The following ZNF334 variants were observed in gnomAD, a reference collection of about 807,000 sequenced individuals.
The protein encoded by ZNF334 is zinc finger protein 334.
In ZNF334, 14 loss-of-function variants were observed where a neutral mutation model predicts 12.4. The ratio of observed to expected loss-of-function variants is 1.13; its 90% confidence interval spans 0.74 to 1.76. ZNF334 has a LOEUF of 1.76. Ranked by LOEUF, ZNF334 falls within the 40% of genes most tolerant of loss-of-function variation. The pLI, the probability that ZNF334 is intolerant of heterozygous loss-of-function variation, is 0.00. For missense variants in ZNF334, 797 were observed against 804.5 expected (o/e 0.99, Z 0.11); for synonymous variants, 273 against 269.6 (o/e 1.01, Z -0.12).
At position 46,502,341 on chromosome 20, in the gene ZNF334, T is replaced by G; in HGVS notation, c.998A>C (p.Lys333Thr). ...CNECGKTFFR[K>T]SALAEHFRSH... Reference sequence around the variant, plus strand: ...CCTGAAATGTTCAGCCAGGGCTGACTTCCGAAAAAAGGTCTTTCCACATTC... The same window carrying G: ...CCTGAAATGTTCAGCCAGGGCTGACGTCCGAAAAAAGGTCTTTCCACATTC... The change falls in exon 5 of 5, where the codon AAG becomes ACG. Residue 333 changes from lysine (K) to threonine (T), a missense_variant. Physicochemically the swap from Lys to Thr is moderately conservative, Grantham distance 78. Transcript: ENST00000692313. The G allele has an allele frequency of 6.2e-7, 1 of 1,613,794 alleles. No individual in the cohort carries two copies. Among genetic ancestry groups the G allele is most frequent in the Non-Finnish European group, 8.5e-7 (1 of 1,179,914 alleles).
chr20:46,479,481 A>T, the ZNF334 span, among the ~76,000 whole-genome samples: 1 of 152,220 alleles, frequency 6.6e-6, no homozygotes, highest in East Asian at 1.9e-4. Flanking sequence ...ACCAGCATTA[A>T]CACTAAAATA....
chr20:46,510,888 T>C (rs2061627007), intron 2 of ZNF334, among the ~76,000 whole-genome samples: 1 of 151,882 alleles, frequency 6.6e-6, no homozygotes, highest in Non-Finnish European at 1.5e-5. Flanking sequence ...CCATGTTGGA[T>C]ATGAGGACTC....
chr20:46,483,406 T>C, the ZNF334 span, among the ~76,000 whole-genome samples: 1 of 152,174 alleles, frequency 6.6e-6, no homozygotes, highest in Admixed American at 6.5e-5. Flanking sequence ...ATTTTTCTCC[T>C]TTATAAGGTC....
chr20:46,493,568 G>A, the ZNF334 span, among the ~76,000 whole-genome samples: 20 of 152,334 alleles, frequency 1.3e-4, no homozygotes, highest in African/African-American at 4.6e-4. Flanking sequence ...TGGATCACTT[G>A]AGGTCAAGAG....
At chr20:46,469,615 G>A in the ZNF334 span, among the ~76,000 whole-genome samples, 4 of 151,856 alleles carry the variant, frequency 2.6e-5, no homozygotes, top group Admixed American at 6.6e-5. Context: ...CTCGTGATCC[G>A]CCCACTTCAG....
chr20:46,499,370 G>A (rs1216248031), downstream of ZNF334, among the ~76,000 whole-genome samples: 2 of 151,946 alleles, frequency 1.3e-5, no homozygotes, highest in Non-Finnish European at 2.9e-5. Context: ...TCCAGTTTGA[G>A]GTACTGTGTT....
intron 3 of ZNF334, 65 bp from the exon 4 acceptor site, chr20:46,504,371 A>C (rs1304939000): frequency 2.1e-6 from 3 of 1,421,646 alleles, no homozygotes; most frequent in Non-Finnish European, 3.0e-6. Context: ...TGAAGAATGA[A>C]GAAAGTACAG....
chr20:46,499,173 CAAAAAAAAAAAAAA>C (rs61489091), downstream of ZNF334, among the ~76,000 whole-genome samples: 7 of 59,768 alleles, frequency 1.2e-4, no homozygotes, highest in African/African-American at 4.6e-4. Flanking sequence ...GACTCCGTCT[CAAAAAAAAAAAAAA>C]AAAAAAAAAA....
chr20:46,464,420 A>G, the ZNF334 span: 87 of 506,550 alleles, frequency 1.7e-4, no homozygotes, highest in African/African-American at 1.6e-3. Context: ...GCAGCTGGAG[A>G]GGATCCCAAA....
chr20:46,480,908 T>A, the ZNF334 span: 3 of 152,140 alleles, frequency 2.0e-5, no homozygotes, highest in Non-Finnish European at 4.4e-5. Context: ...GACCCCAGTA[T>A]CCAAAATCCC....
At chr20:46,476,882 C>T in the ZNF334 span, 1 of 152,158 alleles carries the variant, frequency 6.6e-6, no homozygotes, top group East Asian at 1.9e-4. Context: ...TGGGATATAT[C>T]CTATCAGGAT....
At position 46,501,944 on chromosome 20, in the gene ZNF334, T is replaced by C; in HGVS notation, c.1395A>G (p.Glu465=). 6.2e-7 allele frequency: 1 copy of C among 1,614,080 alleles called. No homozygotes were observed. Among genetic ancestry groups the C allele is most frequent in the African/African-American group, 1.3e-5 (1 of 75,060 alleles). Residue 465 remains glutamate, a synonymous_variant, in exon 5 of 5, where the codon GAA becomes GAG. Coordinates refer to ENST00000692313, the MANE Select transcript of ZNF334 (RefSeq NM_001353824.2). ...HRGKKSYECN[E]CGKFFCHKST... is the part of the protein sequence containing the mutation. ...ACTTATGGCAGAAAAATTTCCCACA[T>C]TCATTACATTCATAAGACTTCTTTC...
the ZNF334 span, among the ~76,000 whole-genome samples, chr20:46,474,215 A>AT: frequency 6.6e-6 from 1 of 152,132 alleles, no homozygotes; most frequent in African/African-American, 2.4e-5. Context: ...TCTACTAAAA[A>AT]TACAAAAATT....
the ZNF334 span, among the ~76,000 whole-genome samples, chr20:46,468,672 T>C: frequency 2.0e-3 from 298 of 152,328 alleles, no homozygotes; most frequent in African/African-American, 6.8e-3. Flanking sequence ...GTTGTCAGGC[T>C]GTTGCCATGG....
intron 3 of ZNF334, 33 bp downstream of exon 3, chr20:46,504,581 C>A: frequency 6.4e-7 from 1 of 1,559,118 alleles, no homozygotes. Flanking sequence ...GAAATGTATG[C>A]TCTTGGGAGT....
At chr20:46,497,495 G>A (rs2061043237), downstream of ZNF334, among the ~76,000 whole-genome samples, 1 of 152,190 alleles carries the variant, frequency 6.6e-6, no homozygotes, top group Non-Finnish European at 1.5e-5. Context: ...AGGTGAACAG[G>A]AAGAGAAGAG....
intron 2 of ZNF334, among the ~76,000 whole-genome samples, chr20:46,507,315 A>G (rs2061469965): frequency 6.6e-6 from 1 of 152,132 alleles, no homozygotes; most frequent in Non-Finnish European, 1.5e-5. Flanking sequence ...CTAGCCAGCA[A>G]AGTGTCAAGG....
the ZNF334 span, among the ~76,000 whole-genome samples, chr20:46,471,552 T>C: frequency 6.6e-6 from 1 of 152,214 alleles, no homozygotes; most frequent in East Asian, 1.9e-4. Context: ...CATGAAAATA[T>C]TGTCCTATTA....
the ZNF334 span, among the ~76,000 whole-genome samples, chr20:46,465,523 C>T: frequency 6.6e-5 from 10 of 152,114 alleles, no homozygotes. Context: ...CATAATATAA[C>T]CCCATCTCTA....
Sources: allele counts gnomAD v4.1 joint callset (sites outside exome capture counted in the v4.1 genomes callset), GRCh38; gene constraint gnomAD v4.1.1; transcripts MANE v1.5; gene names NCBI Gene and HGNC (gene_info 2026-07-23, HGNC 2026-07-21).